Variants in ZFYVE1 observed in about 807,000 individuals in gnomAD.
The protein encoded by ZFYVE1 is zinc finger FYVE-type containing 1, also known as zinc finger FYVE domain-containing protein 1.
In ZFYVE1, 30 loss-of-function variants were observed where a neutral mutation model predicts 74.4. That is an observed-to-expected ratio of 0.40 (90% CI 0.30 to 0.55). The LOEUF is 0.55. Ranked by LOEUF, ZFYVE1 falls within the 20% of genes least tolerant of loss-of-function variation. ZFYVE1 has a pLI of 0.42. For synonymous variants in ZFYVE1, 335 were observed against 385.1 expected (o/e 0.87, Z 1.52); for missense variants, 703 against 1,011.6 (o/e 0.69, Z 4.14).
intron 4 of ZFYVE1, among the ~76,000 whole-genome samples, chr14:72,991,268 C>T (rs1448547826): frequency 6.8e-6 from 1 of 147,618 alleles, no homozygotes; most frequent in Middle Eastern, 3.6e-3. Flanking sequence ...CGGCTCACTG[C>T]AAGCTCCGCC....
rs1020803538 is a variant in ZFYVE1 at position 73,023,422 on chromosome 14, TTA to T, written c.483+602_483+603del. Among the ~76,000 whole-genome samples the T allele has an allele frequency of 9.6e-5, 13 of 134,942 alleles. 3 individuals carry two copies. Among genetic ancestry groups the T allele is most frequent in the African/African-American group, 2.5e-4 (9 of 35,564 alleles). 88.5% of individuals were successfully genotyped at this position (134,942 alleles called of 152,430 possible). On this transcript the variant is annotated intron_variant, in intron 2 of 11. Transcript: ENST00000556143. ...TTATATATAATATATATTTTATGTT[TTA>T]TATATATTATATATATATTTTATAT...
chr14:73,001,558 T>G (rs960356316), intron 2 of ZFYVE1, among the ~76,000 whole-genome samples: 1 of 152,160 alleles, frequency 6.6e-6, no homozygotes, highest in Non-Finnish European at 1.5e-5. Flanking sequence ...TCTGTATATT[T>G]CCAAAGTATT....
chr14:73,010,768 T>TAAAAAAAAAAAAAAAAAAAAAAACA (rs1894073353), intron 2 of ZFYVE1, among the ~76,000 whole-genome samples: 1 of 58,986 alleles, frequency 1.7e-5, no homozygotes, highest in Non-Finnish European at 2.9e-5. Context: ...AGACTCCATC[T>TAAAAAAAAAAAAAAAAAAAAAAACA]AAAAAAAAAA....
chr14:72,986,399 G>A (rs1893480711), intron 4 of ZFYVE1, among the ~76,000 whole-genome samples: 1 of 150,984 alleles, frequency 6.6e-6, no homozygotes, highest in African/African-American at 2.4e-5. Context: ...GTCACAGCCT[G>A]ACTAATGAAT....
rs751670280 is a variant in ZFYVE1, at chr14:72,974,820, C to T, written c.1946G>A (p.Arg649Gln). 1.9e-6 allele frequency: 3 copies of T among 1,611,608 alleles called. No individual in the cohort carries two copies. Among genetic ancestry groups the T allele is most frequent in the South Asian group, 2.2e-5 (2 of 91,032 alleles). Residue 649 changes from arginine to glutamine, a missense_variant, in exon 10 of 12, where the codon CGG (arginine) becomes CAG (glutamine). By Grantham distance (43) the Arg-to-Gln change is conservative. This residue lies in a region of ZFYVE1 where 492 missense variants were observed against 790.0 expected (regional missense o/e 0.62). Transcript: ENST00000556143. ...GGCTTCGTAGCAGTTGTCACAGACCCGCACTGGCGCAGGGCCCCAGCCCCG... is the reference window on the plus strand; with the variant it reads ...GGCTTCGTAGCAGTTGTCACAGACCTGCACTGGCGCAGGGCCCCAGCCCCG... ...PERGWGPAPV[R>Q]VCDNCYEARN...
intron 4 of ZFYVE1, among the ~76,000 whole-genome samples, chr14:72,985,465 G>T (rs1893451135): frequency 6.6e-6 from 1 of 152,108 alleles, no homozygotes; most frequent in African/African-American, 2.4e-5. Context: ...CCAAGTAGCT[G>T]GGATTACGGG....
chr14:72,973,763 A>G (rs953883670), intron 11 of ZFYVE1, among the ~76,000 whole-genome samples: 2 of 152,182 alleles, frequency 1.3e-5, no homozygotes, highest in African/African-American at 4.8e-5. Flanking sequence ...ACTAGAGCCA[A>G]TGCCACTTGG....
chr14:73,015,297 GA>G (rs1444702771), intron 2 of ZFYVE1, among the ~76,000 whole-genome samples: 48 of 78,372 alleles, frequency 6.1e-4, no homozygotes, highest in Admixed American at 2.6e-3. Context: ...AGGAAGGAAA[GA>G]AGGGAGGGAG....
chr14:72,981,216 C>G (rs4899452), intron 5 of ZFYVE1, among the ~76,000 whole-genome samples: 22,258 of 152,170 alleles, frequency 0.15, 2,094 homozygotes, highest in East Asian at 0.33. Flanking sequence ...GCATCTTAAA[C>G]ATAGCAATGC....
chr14:73,023,267 TAA>T lies in ZFYVE1; in HGVS notation c.483+757_483+758del, dbSNP rs1491292860. Reference sequence around the variant, plus strand: ...ATATATATATTATATGTTTTATATATAATATATATTATATATGTTTTATATAT... The same window carrying T: ...ATATATATATTATATGTTTTATATATTATATATTATATATGTTTTATATAT... On this transcript the variant is annotated intron_variant, in intron 2 of 11. Transcript: ENST00000556143. Among the ~76,000 whole-genome samples the T allele has an allele frequency of 6.8e-5, 8 of 118,328 alleles. 1 individual carries two copies. The highest frequency in any genetic ancestry group is 2.3e-4 in the South Asian group (1 of 4,320). The allele number at this position is 118,328 out of a possible 152,430, so 77.6% of individuals were successfully genotyped here. A position where few individuals can be genotyped will look rare whatever the true frequency, so the allele number is the denominator to read the frequency against.
At chr14:73,020,029 G>A (rs1410131005) in intron 2 of ZFYVE1, among the ~76,000 whole-genome samples, 1 of 152,034 alleles carries the variant, frequency 6.6e-6, no homozygotes, top group African/African-American at 2.4e-5. Flanking sequence ...GGCCAAGGCG[G>A]GCAGGTCACG....
intron 10 of ZFYVE1, 34 bp from the exon 11 acceptor site, chr14:72,974,227 C>G (rs1362558276): frequency 1.9e-6 from 3 of 1,594,612 alleles, no homozygotes; most frequent in Non-Finnish European, 1.7e-6. Context: ...GCTGTCACCT[C>G]TAAGTCCTCT....
In ZFYVE1 at chr14:72,971,036, T is replaced by A. The variant is rs147735924; in HGVS notation, c.2180A>T (p.Glu727Val). ...EILHCHNCRK[E>V]FSIKLSKHHC... ...GTGCTTGGAGAGCTTGATGCTGAACTCCTTCCGGCAGTTGTGGCAGTGGAG... is the reference window on the plus strand; with the variant it reads ...GTGCTTGGAGAGCTTGATGCTGAACACCTTCCGGCAGTTGTGGCAGTGGAG... Residue 727 changes from glutamate (E) to valine (V), a missense_variant, in exon 12 of 12, where the codon GAG becomes GTG. Coordinates refer to ENST00000556143, the MANE Select transcript of ZFYVE1 (RefSeq NM_021260.4). 3 of 1,614,134 alleles carry A rather than the reference T, an allele frequency of 1.9e-6. No homozygotes were observed. Among genetic ancestry groups the A allele is most frequent in the Non-Finnish European group, 2.5e-6 (3 of 1,180,016 alleles).
chr14:73,005,643 G>A (rs1011375677), intron 2 of ZFYVE1, among the ~76,000 whole-genome samples: 3 of 152,158 alleles, frequency 2.0e-5, no homozygotes, highest in African/African-American at 7.2e-5. Context: ...AATAACAGAT[G>A]TCCAGCTCCT....
Position 72,993,413 on chromosome 14 carries a change from A to T in ZFYVE1, c.989-56T>A, listed in dbSNP as rs1267933501. The T allele has an allele frequency of 4.0e-6, 6 of 1,508,688 alleles. No individual in the cohort carries two copies. The African/African-American group carries it at 8.4e-5, about 21-fold the overall frequency. 93.5% of individuals were successfully genotyped at this position (1,508,688 alleles called of 1,614,324 possible). A position where few individuals can be genotyped will look rare whatever the true frequency, so the allele number is the denominator to read the frequency against. ...AGTGAGTGACATTTAAAAAAAAAAA[A>T]AAAAGTAGGCCAGGCACGGTGGCCC... On this transcript the variant is annotated intron_variant, in intron 3 of 11. Coordinates refer to ENST00000556143, the MANE Select transcript of ZFYVE1 (RefSeq NM_021260.4).
chr14:73,020,086 C>T (rs538775896), intron 2 of ZFYVE1, among the ~76,000 whole-genome samples: 1 of 152,162 alleles, frequency 6.6e-6, no homozygotes, highest in South Asian at 2.1e-4. Context: ...GAAACTCCAT[C>T]TCTACGAAAA....
intron 2 of ZFYVE1, among the ~76,000 whole-genome samples, chr14:73,012,993 C>T (rs1385747790): frequency 6.6e-6 from 1 of 152,116 alleles, no homozygotes. Flanking sequence ...CATGCTGCCC[C>T]TTCACTTGAA....
chr14:72,974,689 T>C, intron 10 of ZFYVE1, 90 bp downstream of exon 10: 7 of 1,470,580 alleles, frequency 4.8e-6, no homozygotes, highest in Non-Finnish European at 4.6e-6. Context: ...GAGATGTGGA[T>C]TAGGGCATCT....
At chr14:72,987,843 A>G (rs569028988) in intron 4 of ZFYVE1, among the ~76,000 whole-genome samples, 1 of 152,276 alleles carries the variant, frequency 6.6e-6, no homozygotes, top group South Asian at 2.1e-4. Context: ...GCTAGAAAAA[A>G]AGGGGCCTGG....
Sources: gnomAD v4.1 joint callset for allele counts (sites outside exome capture counted in the v4.1 genomes callset) on GRCh38, gnomAD v4.1.1 for gene constraint, gnomAD v4.1.1 regional missense constraint, MANE v1.5 for transcripts, NCBI Gene and HGNC (gene_info 2026-07-23, HGNC 2026-07-21) for gene names.